Variants in JMJD1C observed in about 807,000 individuals in gnomAD.
JMJD1C encodes jumonji domain containing 1C, also known as jumonji domain-containing protein 1C.
In JMJD1C, 31 loss-of-function variants were observed where a neutral mutation model predicts 245.3. That is an observed-to-expected ratio of 0.13 (90% CI 0.09 to 0.17). The LOEUF is 0.17. Ranked by LOEUF, JMJD1C falls within the 10% of genes least tolerant of loss-of-function variation. The probability of loss-of-function intolerance (pLI) is 1.00; values close to 1 mark genes in which losing one functional copy is unlikely to be tolerated. For synonymous variants in JMJD1C, 1,057 were observed against 1,017.4 expected (o/e 1.04, Z -0.74); for missense variants, 2,691 against 3,000.2 (o/e 0.90, Z 2.41).
At chr10:63,262,291 T>A (rs1854876029) in intron 3 of JMJD1C, among the ~76,000 whole-genome samples, 1 of 152,020 alleles carries the variant, frequency 6.6e-6, no homozygotes, top group African/African-American at 2.4e-5. Flanking sequence ...AACTCTAAAT[T>A]TTTTTTTCTT....
chr10:63,465,395 G>T, intron 1 of JMJD1C, 100 bp downstream of exon 1: 4 of 1,244,444 alleles, frequency 3.2e-6, no homozygotes, highest in Non-Finnish European at 4.4e-6. Flanking sequence ...ACCGCCAGTT[G>T]GCCGGGCTGA....
chr10:63,515,290 C>T (rs1398618133), intron 1 of JMJD1C, among the ~76,000 whole-genome samples: 1 of 152,162 alleles, frequency 6.6e-6, no homozygotes, highest in African/African-American at 2.4e-5. Context: ...AATAATTTCT[C>T]CTGAGGGCAG....
rs992468807 is a variant in JMJD1C at position 63,214,759 on chromosome 10, C to T, written c.1408G>A (p.Val470Ile). The T allele has an allele frequency of 3.1e-6, 5 of 1,613,616 alleles. No homozygotes were observed. Among genetic ancestry groups the T allele is most frequent in the African/African-American group, 1.3e-5 (1 of 75,024 alleles). ...MIIHSSEQST[V>I]SDHNSNDLLP... ...AAATCATTAGAATTATGATCAGAAA[C>T]TGTGGACTGTTCTGACGAATGAATA... The change falls in exon 8 of 26, where the codon GTT becomes ATT. Residue 470 changes from valine to isoleucine, a missense_variant. By Grantham distance (29) the Val-to-Ile change is conservative. Coordinates refer to ENST00000399262, the MANE Select transcript of JMJD1C (RefSeq NM_032776.3).
In JMJD1C at chr10:63,214,132, G is replaced by T. The variant is rs777547565; in HGVS notation, c.2035C>A (p.His679Asn). 6 of 1,614,034 alleles carry T rather than the reference G, an allele frequency of 3.7e-6. No homozygotes were observed. Among genetic ancestry groups the T allele is most frequent in the Non-Finnish European group, 5.1e-6 (6 of 1,180,014 alleles). The part of the protein sequence containing the change: ...GERRLANKIE[H>N]ELSRCSFHPI... ...TGAAAACTGCATCTTGATAGCTCAT[G>T]TTCTATCTTATTTGCCAATCTTCTT... is the stretch of plus-strand genomic sequence containing the variant. The change falls in exon 8 of 26, where the codon CAT becomes AAT. Residue 679 changes from histidine to asparagine, a missense_variant. By Grantham distance (68) the His-to-Asn change is moderately conservative. Transcript: ENST00000399262.
At chr10:63,300,286 G>A (rs1237318290) in intron 2 of JMJD1C, among the ~76,000 whole-genome samples, 2 of 152,110 alleles carry the variant, frequency 1.3e-5, no homozygotes, top group African/African-American at 2.4e-5. Context: ...TCCTCCCATA[G>A]TAAGTCAGCC....
Position 63,198,678 on chromosome 10 carries a change from G to C in JMJD1C, c.5326C>G (p.Pro1776Ala). ...GVVRIDGFSS[P>A]DQYDDEAMSL... ...ATAGCTTCATCATCATATTGGTCAGGAGAAGAGAAACCATCTATTCTAACT... is the reference window on the plus strand; with the variant it reads ...ATAGCTTCATCATCATATTGGTCAGCAGAAGAGAAACCATCTATTCTAACT... The change falls in exon 12 of 26, where the codon CCT (proline) becomes GCT (alanine). Residue 1776 changes from proline (P) to alanine (A), a missense_variant. Pro to Ala is a conservative substitution (Grantham distance 27). Around this residue, in one of 9 missense-constraint regions of JMJD1C, gnomAD observed 139 missense variants for 270.5 expected, o/e 0.51. Transcript: ENST00000399262. The C allele has an allele frequency of 6.2e-7, 1 of 1,612,414 alleles. No homozygotes were observed. The highest frequency in any genetic ancestry group is 8.5e-7 in the Non-Finnish European group (1 of 1,179,240).
Position 63,366,276 on chromosome 10 carries a change from G to C in JMJD1C, c.333+14042C>G, listed in dbSNP as rs866641882. On this transcript the variant is annotated intron_variant, in intron 2 of 25. Coordinates refer to ENST00000399262, the MANE Select transcript of JMJD1C (RefSeq NM_032776.3). ...GAGATTCCCTGTTTGACAATATTCT[G>C]TGAGTACTGTCATACACTGTGATTG... 1.3e-4 allele frequency among the ~76,000 whole-genome samples: 20 copies of C among 152,250 alleles called. No homozygotes were observed. In the Middle Eastern group the frequency reaches 0.01, roughly 78 times the overall value.
intron 2 of JMJD1C, among the ~76,000 whole-genome samples, chr10:63,285,953 C>A (rs900306935): frequency 4.6e-5 from 7 of 152,186 alleles, no homozygotes; most frequent in African/African-American, 1.7e-4. Context: ...TTTTTATCAT[C>A]AATGAAATAA....
At chr10:63,190,850 C>T in intron 17 of JMJD1C, 44 bp downstream of exon 17, 1 of 1,484,010 alleles carries the variant, frequency 6.7e-7, no homozygotes, top group Non-Finnish European at 9.4e-7. Flanking sequence ...CAAATCATCT[C>T]TATTTAAGGC....
At chr10:63,443,708 C>T (rs1260527588) in intron 1 of JMJD1C, among the ~76,000 whole-genome samples, 1 of 152,196 alleles carries the variant, frequency 6.6e-6, no homozygotes, top group African/African-American at 2.4e-5. Context: ...TCTCCAGTCA[C>T]TCCCCACTCC....
At chr10:63,241,230 C>T (rs1564665765) in intron 3 of JMJD1C, among the ~76,000 whole-genome samples, 3 of 152,302 alleles carry the variant, frequency 2.0e-5, no homozygotes, top group East Asian at 3.9e-4. Flanking sequence ...CCATCCTAAA[C>T]TGAAAATATT....
intron 1 of JMJD1C, among the ~76,000 whole-genome samples, chr10:63,389,160 C>T (rs932373241): frequency 2.0e-5 from 3 of 151,756 alleles, no homozygotes; most frequent in African/African-American, 7.3e-5. Flanking sequence ...CCTATCTCTA[C>T]TAAAAATACA....
At chr10:63,219,008 G>C (rs545098686) in intron 4 of JMJD1C, among the ~76,000 whole-genome samples, 15 of 152,246 alleles carry the variant, frequency 9.9e-5, no homozygotes, top group African/African-American at 3.1e-4. Flanking sequence ...TTGATAGAAG[G>C]GGGTATGGAT....
intron 1 of JMJD1C, among the ~76,000 whole-genome samples, chr10:63,407,602 G>A (rs1949243291): frequency 6.6e-6 from 1 of 151,934 alleles, no homozygotes; most frequent in Non-Finnish European, 1.5e-5. Context: ...CATACAAGTA[G>A]TCTGAAAGAA....
chr10:63,183,564 C>T lies in JMJD1C; in HGVS notation c.6967G>A (p.Val2323Ile). Residue 2323 changes from valine to isoleucine, a missense_variant, in exon 22 of 26, where the codon GTT becomes ATT. This residue lies in a region of JMJD1C where 232 missense variants were observed against 416.1 expected (regional missense o/e 0.56). Transcript: ENST00000399262. ...GPRLCSAYGV[V>I]AAKDHDIGTT... ...CCTATATCATGATCTTTAGCAGCAA[C>T]TACACCTGTATATAAAACAAAATTT... 1 of 1,573,268 alleles carries T rather than the reference C, an allele frequency of 6.4e-7. No individual in the cohort carries two copies. Among genetic ancestry groups the T allele is most frequent in the Non-Finnish European group, 8.6e-7 (1 of 1,159,774 alleles).
intron 2 of JMJD1C, among the ~76,000 whole-genome samples, chr10:63,279,590 C>A (rs762830430): frequency 6.6e-6 from 1 of 152,088 alleles, no homozygotes; most frequent in Non-Finnish European, 1.5e-5. Context: ...GACAGTGAGA[C>A]CATCTCTACA....
At chr10:63,369,173 C>A (rs946518847) in intron 2 of JMJD1C, among the ~76,000 whole-genome samples, 1 of 151,282 alleles carries the variant, frequency 6.6e-6, no homozygotes, top group Non-Finnish European at 1.5e-5. Flanking sequence ...CTCCTCTTCT[C>A]GTCTCACTCT....
intron 1 of JMJD1C, among the ~76,000 whole-genome samples, chr10:63,488,022 T>C (rs1482281188): frequency 2.0e-5 from 3 of 152,064 alleles, no homozygotes; most frequent in Non-Finnish European, 2.9e-5. Flanking sequence ...ACGATGTGGA[T>C]GACAGAGCTG....
At chr10:63,420,600 G>C (rs1030011753) in intron 1 of JMJD1C, among the ~76,000 whole-genome samples, 2 of 151,658 alleles carry the variant, frequency 1.3e-5, no homozygotes, top group Non-Finnish European at 2.9e-5. Context: ...AGCTACATGG[G>C]GGGTGGGGGG....
Sources: allele counts gnomAD v4.1 joint callset (sites outside exome capture counted in the v4.1 genomes callset), GRCh38; gene constraint gnomAD v4.1.1; regional missense constraint gnomAD v4.1.1; transcripts MANE v1.5; gene names NCBI Gene and HGNC (gene_info 2026-07-23, HGNC 2026-07-21).